The following RNF19B variants were observed in gnomAD, a reference collection of about 807,000 sequenced individuals.
RNF19B encodes E3 ubiquitin-protein ligase RNF19B.
Under a neutral mutation model 65.5 loss-of-function variants are expected in RNF19B, and 23 were observed. The ratio of observed to expected loss-of-function variants is 0.35; its 90% CI spans 0.25 to 0.50. RNF19B has a LOEUF of 0.50. Ranked by LOEUF, RNF19B falls within the 20% of genes least tolerant of loss-of-function variation. RNF19B has a pLI of 0.98. For missense variants in RNF19B, 794 were observed against 980.0 expected, an observed-to-expected ratio of 0.81 and a Z score of 2.53; for synonymous variants, 372 against 379.6, an observed-to-expected ratio of 0.98 and a Z score of 0.23.
chr1:32,932,241 G>A (rs1413412545), downstream of RNF19B, among the ~76,000 whole-genome samples: 1 of 152,170 alleles, frequency 6.6e-6, no homozygotes, highest in Non-Finnish European at 1.5e-5. Flanking sequence ...CAATTAGGAG[G>A]CCACTACAGG....
chr1:32,942,012 G>A (rs1296805216), intron 7 of RNF19B, among the ~76,000 whole-genome samples: 13 of 152,048 alleles, frequency 8.5e-5, no homozygotes, highest in South Asian at 2.1e-4. Flanking sequence ...CAGGAGAATC[G>A]CTTGAACCCA....
rs1192780546 is a variant in RNF19B at position 32,949,557 on chromosome 1, G to A, written c.841+12C>T. On this transcript the variant is annotated intron_variant, in intron 2 of 8. Coordinates refer to ENST00000235150, the MANE Select transcript of RNF19B (RefSeq NM_001300826.2). ...CCAAATAAAGAGACAATGAGATAAT[G>A]CCAACTTATACCTGGTCCAGATTCT... 6.2e-7 allele frequency: 1 copy of A among 1,611,808 alleles called. No individual in the cohort carries two copies. The highest frequency in any genetic ancestry group is 1.7e-5 in the Admixed American group (1 of 59,980).
At chr1:32,941,516 G>A (rs942554753) in intron 7 of RNF19B, among the ~76,000 whole-genome samples, 4 of 151,586 alleles carry the variant, frequency 2.6e-5, no homozygotes, top group Admixed American at 6.6e-5. Flanking sequence ...CTCCAGCCTG[G>A]GCGACAGAGC....
chr1:32,933,997 G>A (rs1185934838), downstream of RNF19B, among the ~76,000 whole-genome samples: 1 of 152,228 alleles, frequency 6.6e-6, no homozygotes, highest in African/African-American at 2.4e-5. Context: ...GAGGCTTCAA[G>A]AGAATTCCAA....
At chr1:32,958,718 T>TAA (rs746169988) in intron 1 of RNF19B, among the ~76,000 whole-genome samples, 3 of 132,498 alleles carry the variant, frequency 2.3e-5, no homozygotes, top group Non-Finnish European at 4.9e-5. Context: ...AGACTCCATC[T>TAA]AAAAAAAAAA....
intron 1 of RNF19B, among the ~76,000 whole-genome samples, chr1:32,950,987 G>C (rs557370477): frequency 6.6e-6 from 1 of 152,100 alleles, no homozygotes; most frequent in Admixed American, 6.5e-5. Flanking sequence ...CTATAGGCAT[G>C]CATCACCATG....
chr1:32,949,800 C>A, intron 1 of RNF19B, 26 bp from the exon 2 acceptor site: 2 of 1,565,600 alleles, frequency 1.3e-6, no homozygotes, highest in Non-Finnish European at 1.8e-6. Context: ...GTAAGAGATA[C>A]CAGTAAGGTA....
At chr1:32,954,631 G>A (rs1239355909) in intron 1 of RNF19B, among the ~76,000 whole-genome samples, 1 of 151,434 alleles carries the variant, frequency 6.6e-6, no homozygotes, top group Non-Finnish European at 1.5e-5. Flanking sequence ...CCAGCTACTC[G>A]GGAGGCTGAG....
intron 1 of RNF19B, among the ~76,000 whole-genome samples, chr1:32,953,452 A>C (rs542695961): frequency 6.6e-6 from 1 of 152,226 alleles, no homozygotes; most frequent in Admixed American, 6.5e-5. Context: ...AATGTACATG[A>C]GATGTTAATC....
intron 1 of RNF19B, among the ~76,000 whole-genome samples, chr1:32,952,217 A>G (rs1355363243): frequency 1.3e-5 from 2 of 151,946 alleles, no homozygotes; most frequent in African/African-American, 2.4e-5. Context: ...ATATATTTAT[A>G]TAACTATTAG....
At position 32,953,776 on chromosome 1, in the gene RNF19B, C is replaced by A. The variant is rs1158174549; in HGVS notation, c.636-4002G>T. On this transcript the variant is annotated intron_variant, in intron 1 of 8. Coordinates refer to ENST00000235150, the MANE Select transcript of RNF19B (RefSeq NM_001300826.2). ...GTTACTGGATGACCTCAGAAAAGCA[C>A]TAAGTCAACTTCTAAAGATACAAAT... 2.0e-5 allele frequency among the ~76,000 whole-genome samples: 3 copies of A among 151,924 alleles called. 1 individual carries two copies. The highest frequency in any genetic ancestry group is 4.4e-5 in the Non-Finnish European group (3 of 67,934).
At chr1:32,930,327 C>G in the RNF19B span, among the ~76,000 whole-genome samples, 1 of 151,174 alleles carries the variant, frequency 6.6e-6, no homozygotes, top group Non-Finnish European at 1.5e-5. Flanking sequence ...CCAGGCTGGT[C>G]TGGAACTCCT....
intron 1 of RNF19B, among the ~76,000 whole-genome samples, chr1:32,956,939 A>T (rs1209291352): frequency 6.6e-6 from 1 of 152,002 alleles, no homozygotes; most frequent in Non-Finnish European, 1.5e-5. Context: ...TACCCTTAAC[A>T]TCTTCATTTT....
At position 32,964,751 on chromosome 1, in the gene RNF19B, A is replaced by T; in HGVS notation, c.-66T>A. On this transcript the variant is annotated 5_prime_UTR_variant, in exon 1 of 9. Transcript: ENST00000235150. The surrounding 1 kb of genome is among the most constrained non-coding windows in gnomAD (Gnocchi z 6.5). ...CACAGCTCCCGCCTCAGCGCCCCTC[A>T]GCCAGCGCCCGGCCGCCGCCGACGC... 2 of 1,295,714 alleles carry T rather than the reference A, an allele frequency of 1.5e-6. No individual in the cohort carries two copies. The highest frequency in any genetic ancestry group is 1.6e-5 in the African/African-American group (1 of 62,918). 80.3% of individuals were successfully genotyped at this position (1,295,714 alleles called of 1,614,324 possible). A position where few individuals can be genotyped will look rare whatever the true frequency, so the allele number is the denominator to read the frequency against.
At chr1:32,933,443 A>C (rs1481659303), downstream of RNF19B, among the ~76,000 whole-genome samples, 1 of 151,658 alleles carries the variant, frequency 6.6e-6, no homozygotes, top group African/African-American at 2.4e-5. Flanking sequence ...TTTAGTAGAG[A>C]CGGGGTTTCA....
At chr1:32,944,270 A>G in intron 5 of RNF19B, 111 bp from the exon 6 acceptor site, 1 of 1,246,196 alleles carries the variant, frequency 8.0e-7, no homozygotes, top group Non-Finnish European at 1.1e-6. Flanking sequence ...GGAAGACAGA[A>G]AGTGGCTATC....
At position 32,948,375 on chromosome 1, in the gene RNF19B, G is replaced by T. The variant is rs200946285; in HGVS notation, c.842-12C>A. On this transcript the variant is annotated splice_polypyrimidine_tract_variant and intron_variant, in intron 2 of 8. Transcript: ENST00000235150. ...TGGCTTGATGTCATCTGCTATGAGT[G>T]GGGGAAGAATGGGTAGAAAAAATAC... 1.2e-6 allele frequency: 2 copies of T among 1,608,312 alleles called. No homozygotes were observed. The highest frequency in any genetic ancestry group is 8.5e-7 in the Non-Finnish European group (1 of 1,176,066).
intron 5 of RNF19B, among the ~76,000 whole-genome samples, chr1:32,944,714 A>G (rs1234168536): frequency 6.6e-6 from 1 of 150,504 alleles, no homozygotes; most frequent in African/African-American, 2.4e-5. Context: ...TTTGAGACGG[A>G]GTCTCACTCT....
At chr1:32,957,995 A>G (rs1642680864) in intron 1 of RNF19B, among the ~76,000 whole-genome samples, 1 of 152,246 alleles carries the variant, frequency 6.6e-6, no homozygotes, top group Non-Finnish European at 1.5e-5. Context: ...TAATTGAAAG[A>G]CTTTGTACAC....
Sources: gnomAD v4.1 joint callset for allele counts (sites outside exome capture counted in the v4.1 genomes callset) on GRCh38, gnomAD v4.1.1 for gene constraint, Gnocchi (gnomAD v3.1) non-coding constraint, MANE v1.5 for transcripts, NCBI Gene and HGNC (gene_info 2026-07-23, HGNC 2026-07-21) for gene names.